TMEM150C: variants seen among roughly 807,000 people sequenced by gnomAD.
The protein encoded by TMEM150C is tentonin 3.
Under a neutral mutation model 29.9 loss-of-function variants are expected in TMEM150C, and 10 were observed. That is an observed-to-expected ratio of 0.33 (90% CI 0.21 to 0.57). The LOEUF (loss-of-function observed/expected upper bound fraction) is 0.57. Among genes scored for constraint, TMEM150C ranks in the 20% least tolerant of loss-of-function variants. The pLI, the probability that TMEM150C is intolerant of heterozygous loss-of-function variation, is 0.88. For missense variants in TMEM150C, 251 were observed against 303.6 expected (o/e 0.83, Z 1.29); for synonymous variants, 101 against 112.5 (o/e 0.90, Z 0.64).
At chr4:82,515,261 G>C (rs1171131704) in intron 1 of TMEM150C, among the ~76,000 whole-genome samples, 1 of 152,166 alleles carries the variant, frequency 6.6e-6, no homozygotes, top group Non-Finnish European at 1.5e-5. Flanking sequence ...GCCCACCTTT[G>C]ACATATACAA....
intron 1 of TMEM150C, among the ~76,000 whole-genome samples, chr4:82,534,880 C>T (rs1724958883): frequency 6.6e-6 from 1 of 152,230 alleles, no homozygotes; most frequent in Middle Eastern, 3.4e-3. Context: ...TACACTTAAA[C>T]ACAAAGTATT....
intron 1 of TMEM150C, among the ~76,000 whole-genome samples, chr4:82,528,996 T>C (rs1392207186): frequency 6.6e-6 from 1 of 150,922 alleles, no homozygotes; most frequent in East Asian, 2.0e-4. Context: ...GACGTGTTGA[T>C]TTGGGAGTCT....
chr4:82,560,709 C>T (rs1725892062), intron 1 of TMEM150C, among the ~76,000 whole-genome samples: 1 of 152,170 alleles, frequency 6.6e-6, no homozygotes, highest in Non-Finnish European at 1.5e-5. Flanking sequence ...TTTATAAATC[C>T]ACACTCAACT....
intron 5 of TMEM150C, among the ~76,000 whole-genome samples, chr4:82,500,292 T>A (rs1723696479): frequency 6.6e-6 from 1 of 152,258 alleles, no homozygotes; most frequent in South Asian, 2.1e-4. Flanking sequence ...TGTGGGTTAT[T>A]TCTTAAAGTC....
chr4:82,506,517 C>G (rs913359901), intron 1 of TMEM150C, among the ~76,000 whole-genome samples: 2 of 152,234 alleles, frequency 1.3e-5, no homozygotes, highest in African/African-American at 4.8e-5. Context: ...TAATCCAATA[C>G]AATCCAACTC....
intron 1 of TMEM150C, among the ~76,000 whole-genome samples, chr4:82,550,946 A>C (rs1315249378): frequency 6.6e-6 from 1 of 152,202 alleles, no homozygotes; most frequent in Non-Finnish European, 1.5e-5. Context: ...TGAAGGCTTG[A>C]GAGTGAGTAG....
rs1723095871 is a variant in TMEM150C at position 82,484,414 on chromosome 4, A to AC, written c.*1096_*1097insG. On this transcript the variant is annotated 3_prime_UTR_variant, in exon 8 of 8. Transcript: ENST00000449862. ...CAAATTTGAAAAGCCCTTAATCCAA[A>AC]AAAAAAAAAAACCCTACTAAATTTG... is the stretch of plus-strand genomic sequence containing the variant. 1 of 151,386 alleles carries AC rather than the reference A, an allele frequency of 6.6e-6. No individual in the cohort carries two copies. Among genetic ancestry groups the AC allele is most frequent in the African/African-American group, 2.4e-5 (1 of 41,198 alleles). The allele number at this position is 151,386 out of a possible 1,614,324, so 9.4% of individuals were successfully genotyped here. A position where few individuals can be genotyped will look rare whatever the true frequency, so the allele number is the denominator to read the frequency against.
chr4:82,545,828 G>A (rs1349506944), intron 1 of TMEM150C, among the ~76,000 whole-genome samples: 1 of 152,144 alleles, frequency 6.6e-6, no homozygotes, highest in Admixed American at 6.5e-5. Context: ...GGGAGGTTGA[G>A]GCATGAGAAT....
intron 1 of TMEM150C, among the ~76,000 whole-genome samples, chr4:82,511,129 C>G (rs1220363342): frequency 6.6e-6 from 1 of 152,156 alleles, no homozygotes; most frequent in Non-Finnish European, 1.5e-5. Flanking sequence ...AGTCAGGTGA[C>G]CTGGTGTCAC....
chr4:82,483,203 G>T lies in TMEM150C; in HGVS notation c.*2308C>A, dbSNP rs1290771727. ...ATGCATAAAAGAATTTTATTTAGTG[G>T]CCAGATCCCAATGAATAATGTCAGT... On this transcript the variant is annotated 3_prime_UTR_variant, in exon 8 of 8. Coordinates refer to ENST00000449862, the MANE Select transcript of TMEM150C (RefSeq NM_001080506.3). 2 of 152,096 alleles carry T rather than the reference G, an allele frequency of 1.3e-5. No homozygotes were observed. The highest frequency in any genetic ancestry group is 4.8e-5 in the African/African-American group (2 of 41,412). The allele number at this position is 152,096 out of a possible 1,614,324, so 9.4% of individuals were successfully genotyped here.
intron 1 of TMEM150C, among the ~76,000 whole-genome samples, chr4:82,528,725 G>C (rs953902551): frequency 2.0e-5 from 3 of 151,216 alleles, no homozygotes; most frequent in African/African-American, 7.3e-5. Flanking sequence ...AAGCCTCCTG[G>C]GTAGCTGGGA....
chr4:82,511,472 ATTTT>A (rs397935719), intron 1 of TMEM150C, among the ~76,000 whole-genome samples: 5 of 106,358 alleles, frequency 4.7e-5, no homozygotes, highest in Admixed American at 2.4e-4. Context: ...TCCCAACACT[ATTTT>A]TTTTTTTTTT....
chr4:82,517,440 T>C (rs141926181), intron 1 of TMEM150C, among the ~76,000 whole-genome samples: 1 of 152,272 alleles, frequency 6.6e-6, no homozygotes, highest in African/African-American at 2.4e-5. Flanking sequence ...TTTGAATCAG[T>C]AGACTAAGTA....
At chr4:82,533,436 A>G (rs1232038726) in intron 1 of TMEM150C, among the ~76,000 whole-genome samples, 2 of 152,368 alleles carry the variant, frequency 1.3e-5, no homozygotes, top group African/African-American at 4.8e-5. Context: ...CCAAAAAAAG[A>G]AAACTACAAG....
chr4:82,509,942 C>T (rs1560486321), intron 1 of TMEM150C, among the ~76,000 whole-genome samples: 1 of 152,198 alleles, frequency 6.6e-6, no homozygotes, highest in Non-Finnish European at 1.5e-5. Context: ...TACCATTACC[C>T]ATGCTAATCC....
At chr4:82,538,985 T>C (rs1725110334) in intron 1 of TMEM150C, among the ~76,000 whole-genome samples, 2 of 152,156 alleles carry the variant, frequency 1.3e-5, no homozygotes, top group Non-Finnish European at 2.9e-5. Context: ...GAGGATCACT[T>C]GAGCCTGGGA....
At chr4:82,560,118 G>A (rs867492481) in intron 1 of TMEM150C, among the ~76,000 whole-genome samples, 19 of 135,668 alleles carry the variant, frequency 1.4e-4, no homozygotes, top group Non-Finnish European at 2.5e-4. Context: ...TTGTGTTCAC[G>A]CAAAAAAAAA....
chr4:82,501,567 C>T (rs892881753), intron 5 of TMEM150C, among the ~76,000 whole-genome samples: 9 of 152,172 alleles, frequency 5.9e-5, no homozygotes, highest in Non-Finnish European at 1.2e-4. Flanking sequence ...GCTAACTGCA[C>T]AGAAGCTCCC....
chr4:82,494,256 GTCATAGTACA>G (rs1723465367), intron 6 of TMEM150C, among the ~76,000 whole-genome samples: 2 of 152,200 alleles, frequency 1.3e-5, no homozygotes, highest in South Asian at 4.1e-4. Flanking sequence ...GTCAACCACT[GTCATAGTACA>G]GAGGTTTCCT....
Sources: allele counts gnomAD v4.1 joint callset (sites outside exome capture counted in the v4.1 genomes callset), GRCh38; gene constraint gnomAD v4.1.1; transcripts MANE v1.5; gene names NCBI Gene and HGNC (gene_info 2026-07-23, HGNC 2026-07-21).